OPN3: variants seen among roughly 807,000 people sequenced by gnomAD.
OPN3 encodes the protein opsin-3.
A neutral mutation model predicts 33.8 loss-of-function variants in OPN3; 29 were observed. The ratio of observed to expected loss-of-function variants is 0.86; its 90% CI spans 0.64 to 1.17. The LOEUF (loss-of-function observed/expected upper bound fraction) is 1.17, where lower values mean the gene tolerates loss of function less well. Among genes scored for constraint, OPN3 ranks in the 50% most tolerant of loss-of-function variants. OPN3 has a pLI of 0.00. For synonymous variants in OPN3, 216 were observed against 216.1 expected (o/e 1.00, Z 0.00); for missense variants, 437 against 514.1 (o/e 0.85, Z 1.45).
chr1:241,624,580 G>C (rs1489471741), intron 1 of OPN3, among the ~76,000 whole-genome samples: 1 of 152,184 alleles, frequency 6.6e-6, no homozygotes, highest in African/African-American at 2.4e-5. Context: ...CCAATGGCTT[G>C]AGCGTTCCAG....
chr1:241,634,904 TC>T, intron 1 of OPN3: 1 of 1,611,246 alleles, frequency 6.2e-7, no homozygotes, highest in Non-Finnish European at 8.5e-7. Flanking sequence ...CATGGTGAGT[TC>T]CTTGCTATTA....
intron 3 of OPN3, 87 bp from the exon 4 acceptor site, chr1:241,594,778 T>TTG: frequency 6.7e-7 from 1 of 1,489,776 alleles, no homozygotes; most frequent in Non-Finnish European, 9.1e-7. Context: ...TTGAGCTGAA[T>TTG]TTAAGTTGTT....
At chr1:241,627,612 A>G (rs1443140261) in intron 1 of OPN3, among the ~76,000 whole-genome samples, 1 of 152,208 alleles carries the variant, frequency 6.6e-6, no homozygotes, top group Non-Finnish European at 1.5e-5. Flanking sequence ...TTATAGCCAA[A>G]TTCTTTCAGG....
At chr1:241,607,051 G>A (rs1258814339) in intron 1 of OPN3, among the ~76,000 whole-genome samples, 1 of 152,112 alleles carries the variant, frequency 6.6e-6, no homozygotes, top group African/African-American at 2.4e-5. Context: ...ACCATGACAG[G>A]TTTGTTCTTC....
chr1:241,597,050 T>C (rs1663545503), intron 3 of OPN3, among the ~76,000 whole-genome samples: 2 of 152,138 alleles, frequency 1.3e-5, no homozygotes, highest in Non-Finnish European at 2.9e-5. Flanking sequence ...AGGTTGGTCT[T>C]GAACTCTTAG....
At position 241,640,281 on chromosome 1, in the gene OPN3, CG is replaced by C; in HGVS notation, c.-28del. 8.6e-7 allele frequency: 1 copy of C among 1,163,596 alleles called. No homozygotes were observed. 72.1% of individuals were successfully genotyped at this position (1,163,596 alleles called of 1,614,324 possible). A position where few individuals can be genotyped will look rare whatever the true frequency, so the allele number is the denominator to read the frequency against. On this transcript the variant is annotated 5_prime_UTR_variant, in exon 1 of 4. Transcript: ENST00000366554. ...GCCCGGCGCCGGCGCGCCTGGCGGGCGGAGGCGCTCAGCTTGCGGCGGGGCT... is the reference window on the plus strand; with the variant it reads ...GCCCGGCGCCGGCGCGCCTGGCGGGCGAGGCGCTCAGCTTGCGGCGGGGCT...
intron 1 of OPN3, chr1:241,635,487 C>T: frequency 6.2e-7 from 1 of 1,613,868 alleles, no homozygotes; most frequent in Non-Finnish European, 8.5e-7. Flanking sequence ...TGAATAGTTT[C>T]ATCCTTCTTG....
intron 1 of OPN3, among the ~76,000 whole-genome samples, chr1:241,612,949 C>T (rs890934699): frequency 5.9e-5 from 9 of 152,190 alleles, no homozygotes; most frequent in South Asian, 2.1e-4. Context: ...TCCATCTCAT[C>T]GCTCAGCACC....
intron 1 of OPN3, among the ~76,000 whole-genome samples, chr1:241,626,367 T>C (rs1198678519): frequency 1.4e-5 from 2 of 145,660 alleles, no homozygotes; most frequent in Non-Finnish European, 3.1e-5. Flanking sequence ...ATAGTCTTTG[T>C]TTGAAAGGAG....
At chr1:241,637,263 C>T (rs1420760350) in intron 1 of OPN3, among the ~76,000 whole-genome samples, 1 of 152,170 alleles carries the variant, frequency 6.6e-6, no homozygotes, top group Non-Finnish European at 1.5e-5. Context: ...AAAAACAAGC[C>T]ATTCAATTGG....
At chr1:241,610,337 C>G (rs890954365) in intron 1 of OPN3, among the ~76,000 whole-genome samples, 1 of 152,146 alleles carries the variant, frequency 6.6e-6, no homozygotes, top group South Asian at 2.1e-4. Context: ...AAAGCTGTGT[C>G]GGGGAGCTGG....
chr1:241,625,047 G>C (rs574796966), intron 1 of OPN3, among the ~76,000 whole-genome samples: 1 of 152,200 alleles, frequency 6.6e-6, no homozygotes, highest in Admixed American at 6.5e-5. Context: ...GTATCCCAGA[G>C]TCTAGCACAG....
chr1:241,610,671 T>C (rs1663966944), intron 1 of OPN3, among the ~76,000 whole-genome samples: 1 of 152,188 alleles, frequency 6.6e-6, no homozygotes, highest in African/African-American at 2.4e-5. Flanking sequence ...GAAAAAAAGA[T>C]GAATTATAAA....
Position 241,640,326 on chromosome 1 carries a change from G to C in OPN3, c.-72C>G. 9.2e-7 allele frequency: 1 copy of C among 1,085,388 alleles called. No homozygotes were observed. Among genetic ancestry groups the C allele is most frequent in the Non-Finnish European group, 1.1e-6 (1 of 897,742 alleles). 67.2% of individuals were successfully genotyped at this position (1,085,388 alleles called of 1,614,324 possible). A position where few individuals can be genotyped will look rare whatever the true frequency, so the allele number is the denominator to read the frequency against. ...CGGGGCTCGCGGCGCGCTCCGCACT[G>C]GGTGGGGTTGGGGCTCCGCCGCCTG... On this transcript the variant is annotated 5_prime_UTR_variant, in exon 1 of 4. Coordinates refer to ENST00000366554, the MANE Select transcript of OPN3 (RefSeq NM_014322.3).
intron 1 of OPN3, among the ~76,000 whole-genome samples, chr1:241,616,626 AT>A (rs1194813028): frequency 2.0e-5 from 3 of 152,052 alleles, no homozygotes; most frequent in Admixed American, 6.5e-5. Context: ...ATTATTATGT[AT>A]TTGCTGCTGA....
chr1:241,626,463 C>T (rs890909095), intron 1 of OPN3, among the ~76,000 whole-genome samples: 2 of 152,086 alleles, frequency 1.3e-5, no homozygotes, highest in Non-Finnish European at 2.9e-5. Flanking sequence ...TATGTTTCAA[C>T]AGCAGGGGTC....
rs1213209489 is a variant in OPN3 at position 241,597,994 on chromosome 1, G to A, written c.697C>T (p.Arg233Cys). ...ATTGTCTGAAGATCTTCCACACAACGAAGCTGCAGAAAGGAGAAAGAAAGG... is the reference window on the plus strand; with the variant it reads ...ATTGTCTGAAGATCTTCCACACAACAAAGCTGCAGAAAGGAGAAAGAAAGG... ...GHILYSIRML[R>C]CVEDLQTIQV... Residue 233 changes from arginine (R) to cysteine (C), a missense_variant, in exon 3 of 4, where the codon CGT (arginine) becomes TGT (cysteine). Coordinates refer to ENST00000366554, the MANE Select transcript of OPN3 (RefSeq NM_014322.3). The A allele has an allele frequency of 5.6e-6, 9 of 1,612,394 alleles. No homozygotes were observed. The African/African-American group carries it at 8.0e-5, about 14-fold the overall frequency.
chr1:241,604,656 C>T, intron 1 of OPN3, 77 bp from the exon 2 acceptor site: 1 of 1,256,428 alleles, frequency 8.0e-7, no homozygotes, highest in Non-Finnish European at 1.1e-6. Flanking sequence ...ACATTCTCCA[C>T]TGGAAATACC....
At chr1:241,613,982 A>G (rs997408166) in intron 1 of OPN3, 5 of 152,208 alleles carry the variant, frequency 3.3e-5, no homozygotes, top group African/African-American at 9.7e-5. Flanking sequence ...AGCCTGGCCA[A>G]CATGGTGAAA....
Sources: gnomAD v4.1 joint callset for allele counts (sites outside exome capture counted in the v4.1 genomes callset) on GRCh38, gnomAD v4.1.1 for gene constraint, MANE v1.5 for transcripts, NCBI Gene and HGNC (gene_info 2026-07-23, HGNC 2026-07-21) for gene names.